PCDH15: variants seen among roughly 807,000 people sequenced by gnomAD.
PCDH15 encodes the protein protocadherin related 15, also known as protocadherin-15.
A neutral mutation model predicts 178.5 loss-of-function variants in PCDH15; 129 were observed. The ratio of observed to expected loss-of-function variants is 0.72; its 90% CI spans 0.63 to 0.84. The LOEUF (loss-of-function observed/expected upper bound fraction) is 0.84. Among genes scored for constraint, PCDH15 ranks in the 40% least tolerant of loss-of-function variants. PCDH15 has a pLI of 0.00. For synonymous variants in PCDH15, 800 were observed against 732.0 expected, an observed-to-expected ratio of 1.09 and a Z score of -1.50; for missense variants, 2,230 against 2,099.9, an observed-to-expected ratio of 1.06 and a Z score of -1.21.
chr10:54,386,359 T>C (rs1324208150), intron 3 of PCDH15, among the ~76,000 whole-genome samples: 4 of 152,066 alleles, frequency 2.6e-5, no homozygotes, highest in Non-Finnish European at 4.4e-5. Flanking sequence ...CTAGGCTGCA[T>C]GTGGCCTGCG....
At chr10:53,957,060 T>G (rs1486296854) in intron 23 of PCDH15, among the ~76,000 whole-genome samples, 3 of 152,204 alleles carry the variant, frequency 2.0e-5, no homozygotes, top group Non-Finnish European at 4.4e-5. Flanking sequence ...AAGAGAAGTC[T>G]AGAGGCATAT....
rs923134632 is a variant in PCDH15 at position 54,133,916 on chromosome 10, T to A, written c.1785-909A>T. On this transcript the variant is annotated intron_variant, in intron 14 of 37. Transcript: ENST00000644397. The stretch of plus-strand genomic sequence containing the variant: ...ATACACACACATATACACACACACA[T>A]ACATATAACATTTTGTACAAACATA... Among the ~76,000 whole-genome samples the A allele has an allele frequency of 3.4e-5, 3 of 88,588 alleles. 1 individual carries two copies. The highest frequency in any genetic ancestry group is 5.2e-5 in the Non-Finnish European group (2 of 38,224). The allele number at this position is 88,588 out of a possible 152,430, so 58.1% of individuals were successfully genotyped here. A position where few individuals can be genotyped will look rare whatever the true frequency, so the allele number is the denominator to read the frequency against.
At chr10:54,061,118 T>G (rs1184949928) in intron 18 of PCDH15, among the ~76,000 whole-genome samples, 1 of 152,120 alleles carries the variant, frequency 6.6e-6, no homozygotes, top group Non-Finnish European at 1.5e-5. Context: ...ATGACTGCAT[T>G]TGGGGGCTTC....
At chr10:54,986,345 A>AG (rs1401132174) in intron 2 of PCDH15, among the ~76,000 whole-genome samples, 17 of 65,132 alleles carry the variant, frequency 2.6e-4, no homozygotes, top group African/African-American at 1.6e-4. Context: ...CAGGATTGAG[A>AG]AAAAAAAAAT....
At chr10:54,559,850 T>TA (rs80250003) in intron 2 of PCDH15, among the ~76,000 whole-genome samples, 3,797 of 72,992 alleles carry the variant, frequency 0.052, 158 homozygotes, top group African/African-American at 0.11. Flanking sequence ...TGTCTTATAG[T>TA]AAAAAAAAAA....
chr10:54,738,763 A>G (rs1360592810), intron 1 of PCDH15, among the ~76,000 whole-genome samples: 1 of 152,128 alleles, frequency 6.6e-6, no homozygotes, highest in Non-Finnish European at 1.5e-5. Flanking sequence ...GCTAATCAAT[A>G]AACATGATAC....
At chr10:55,192,209 G>A (rs1839961434) in intron 1 of PCDH15, among the ~76,000 whole-genome samples, 1 of 151,442 alleles carries the variant, frequency 6.6e-6, no homozygotes, top group African/African-American at 2.4e-5. Context: ...GAGACAGGAT[G>A]AAATTTGTAA....
At chr10:55,441,956 CAT>C (rs34535602) in intron 2 of PCDH15, among the ~76,000 whole-genome samples, 57,310 of 151,658 alleles carry the variant, frequency 0.38, 11,699 homozygotes, top group East Asian at 0.83. Context: ...GATGCGGCCA[CAT>C]GTCAAGGAAT....
At chr10:55,101,038 T>C (rs764738607) in intron 2 of PCDH15, among the ~76,000 whole-genome samples, 1 of 152,144 alleles carries the variant, frequency 6.6e-6, no homozygotes, top group African/African-American at 2.4e-5. Context: ...TCATCACTTA[T>C]ATGTTATTCA....
intron 2 of PCDH15, among the ~76,000 whole-genome samples, chr10:55,580,367 T>TA (rs1564464208): frequency 1.3e-5 from 2 of 150,424 alleles, no homozygotes; most frequent in Admixed American, 6.6e-5. Context: ...TTTATTTTTT[T>TA]TTTTTTTTGA....
intron 2 of PCDH15, among the ~76,000 whole-genome samples, chr10:55,578,818 C>T (rs1387980374): frequency 2.0e-5 from 3 of 152,072 alleles, no homozygotes; most frequent in Non-Finnish European, 4.4e-5. Flanking sequence ...CAGGGGAATT[C>T]TCATTTATAA....
At chr10:54,645,665 A>C (rs2135076226) in intron 2 of PCDH15, among the ~76,000 whole-genome samples, 1 of 152,300 alleles carries the variant, frequency 6.6e-6, no homozygotes, top group African/African-American at 2.4e-5. Context: ...GAGTGTTCTA[A>C]GAAAGAAGTG....
At chr10:54,580,087 C>T (rs932189449) in intron 2 of PCDH15, among the ~76,000 whole-genome samples, 1 of 151,788 alleles carries the variant, frequency 6.6e-6, no homozygotes, top group South Asian at 2.1e-4. Flanking sequence ...CAATCTAAAC[C>T]TAAAGCTAAT....
chr10:54,783,440 G>T (rs553667301), intron 1 of PCDH15, among the ~76,000 whole-genome samples: 1 of 151,906 alleles, frequency 6.6e-6, no homozygotes, highest in East Asian at 1.9e-4. Flanking sequence ...AAGAAAGAAT[G>T]ATGAAAAGGA....
At chr10:53,887,288 T>C (rs1373768873) in intron 26 of PCDH15, among the ~76,000 whole-genome samples, 1 of 152,188 alleles carries the variant, frequency 6.6e-6, no homozygotes, top group Non-Finnish European at 1.5e-5. Flanking sequence ...AAGCATTAAA[T>C]ATCGAGAATT....
At chr10:55,121,537 T>G (rs1008307640) in intron 2 of PCDH15, among the ~76,000 whole-genome samples, 1 of 152,136 alleles carries the variant, frequency 6.6e-6, no homozygotes, top group Non-Finnish European at 1.5e-5. Flanking sequence ...TGAGGGCCCA[T>G]GGGAAGACCA....
At chr10:54,091,073 A>T (rs1324932651) in intron 15 of PCDH15, among the ~76,000 whole-genome samples, 1 of 152,314 alleles carries the variant, frequency 6.6e-6, no homozygotes, top group Non-Finnish European at 1.5e-5. Flanking sequence ...CAAAATAAAG[A>T]TGCTCTTGTT....
At chr10:54,168,433 C>G (rs1292233194) in intron 13 of PCDH15, among the ~76,000 whole-genome samples, 2 of 150,504 alleles carry the variant, frequency 1.3e-5, no homozygotes, top group Admixed American at 1.3e-4. Context: ...CCTCCCCAGG[C>G]TGCTCCTCGC....
At chr10:55,297,323 G>A (rs1446635076) in intron 1 of PCDH15, among the ~76,000 whole-genome samples, 2 of 152,030 alleles carry the variant, frequency 1.3e-5, no homozygotes, top group Non-Finnish European at 2.9e-5. Context: ...TTTACCTGAT[G>A]ATAATCTGGA....
Sources: gnomAD v4.1 joint callset for allele counts (sites outside exome capture counted in the v4.1 genomes callset) on GRCh38, gnomAD v4.1.1 for gene constraint, MANE v1.5 for transcripts, NCBI Gene and HGNC (gene_info 2026-07-23, HGNC 2026-07-21) for gene names.